The following PTK2 variants were observed in gnomAD, a reference collection of about 807,000 sequenced individuals.
The protein encoded by PTK2 is focal adhesion kinase 1.
PTK2 carries 45 observed loss-of-function variants against 150.1 expected under a neutral mutation model. The observed-to-expected ratio is 0.30, with a 90% confidence interval of 0.24 to 0.38. The LOEUF is 0.38. PTK2 is among the 10% of genes least tolerant of loss of function. The pLI, the probability that PTK2 is intolerant of heterozygous loss-of-function variation, is 1.00. For synonymous variants in PTK2, 432 were observed against 449.2 expected (o/e 0.96, Z 0.48); for missense variants, 919 against 1,307.3 (o/e 0.70, Z 4.58).
chr8:140,960,558 A>T (rs2100182782), intron 1 of PTK2, among the ~76,000 whole-genome samples: 1 of 152,160 alleles, frequency 6.6e-6, no homozygotes, highest in South Asian at 2.1e-4. Flanking sequence ...ATAAACTAGG[A>T]TGAATCCATC....
intron 5 of PTK2, among the ~76,000 whole-genome samples, chr8:140,849,972 C>T (rs1301171456): frequency 6.6e-6 from 1 of 152,154 alleles, no homozygotes; most frequent in South Asian, 2.1e-4. Context: ...TTTACCCTTG[C>T]ATCCCCAGTA....
At chr8:140,789,571 G>A in intron 13 of PTK2, 45 bp from the exon 14 acceptor site, 4 of 1,589,400 alleles carry the variant, frequency 2.5e-6, no homozygotes, top group Non-Finnish European at 3.4e-6. Flanking sequence ...AATTTCCCCA[G>A]GACCCCGCAA....
intron 27 of PTK2, among the ~76,000 whole-genome samples, chr8:140,676,914 C>G (rs1648724630): frequency 7.2e-6 from 1 of 139,040 alleles, no homozygotes; most frequent in African/African-American, 2.7e-5. Context: ...GCACTTCAGC[C>G]TGGGCAACAA....
At chr8:140,917,039 TA>T (rs1020639527) in intron 2 of PTK2, among the ~76,000 whole-genome samples, 22 of 152,326 alleles carry the variant, frequency 1.4e-4, no homozygotes, top group African/African-American at 5.1e-4. Flanking sequence ...TTTTAGCTAT[TA>T]CTATAAGAAG....
chr8:140,658,709 A>T (rs1014251136), exon 32 of PTK2: 3 of 217,568 alleles, frequency 1.4e-5, no homozygotes, highest in Non-Finnish European at 1.8e-5. Flanking sequence ...CTTCTCCTCA[A>T]TGCAGTTTGG....
At chr8:140,762,678 T>C (rs556493525) in intron 15 of PTK2, among the ~76,000 whole-genome samples, 1 of 152,348 alleles carries the variant, frequency 6.6e-6, no homozygotes, top group East Asian at 1.9e-4. Context: ...ACTGCTCAAC[T>C]ATAAATAATA....
intron 27 of PTK2, among the ~76,000 whole-genome samples, chr8:140,685,280 C>T (rs1448479753): frequency 2.0e-5 from 3 of 152,166 alleles, no homozygotes; most frequent in African/African-American, 7.2e-5. Flanking sequence ...AAACCTAGAA[C>T]TATAAAAACC....
intron 2 of PTK2, among the ~76,000 whole-genome samples, chr8:140,897,681 T>G (rs1213114648): frequency 6.6e-6 from 1 of 152,116 alleles, no homozygotes; most frequent in Non-Finnish European, 1.5e-5. Context: ...GTCCCAAGAG[T>G]TGCTTTCTGC....
At chr8:140,746,621 T>C (rs2100058939) in intron 18 of PTK2, 139 bp downstream of exon 21, 6 of 602,058 alleles carry the variant, frequency 1.0e-5, no homozygotes, top group Middle Eastern at 7.7e-4. Flanking sequence ...CCATATTCTC[T>C]GAACCAAAAC....
chr8:140,998,975 G>A (rs931657716), intron 1 of PTK2, among the ~76,000 whole-genome samples: 1 of 152,162 alleles, frequency 6.6e-6, no homozygotes, highest in South Asian at 2.1e-4. Context: ...AAACATTTTA[G>A]TATAAAACGT....
chr8:140,712,447 T>C (rs1395851556), intron 23 of PTK2, among the ~76,000 whole-genome samples: 3 of 152,228 alleles, frequency 2.0e-5, no homozygotes, highest in African/African-American at 7.2e-5. Context: ...AACTGTGGTA[T>C]TGTTTTTTGA....
chr8:140,962,277 AAGGGAGGGAGGAAGGG>A (rs1315585892), intron 1 of PTK2, among the ~76,000 whole-genome samples: 2 of 131,498 alleles, frequency 1.5e-5, no homozygotes, highest in African/African-American at 2.7e-5. Flanking sequence ...GGGAGGGAGG[AAGGGAGGGAGGAAGGG>A]AGGGAGGGAG....
chr8:140,912,487 T>C (rs1353414010), intron 2 of PTK2, among the ~76,000 whole-genome samples: 1 of 151,674 alleles, frequency 6.6e-6, no homozygotes, highest in Admixed American at 6.6e-5. Flanking sequence ...TAAAGATAAA[T>C]ACAAATTTTA....
chr8:140,817,495 C>A (rs1475286378), intron 10 of PTK2, among the ~76,000 whole-genome samples: 1 of 152,114 alleles, frequency 6.6e-6, no homozygotes, highest in Non-Finnish European at 1.5e-5. Flanking sequence ...AGAAGAAGCC[C>A]CTAGAATCAT....
chr8:140,859,981 A>C (rs1465419170), intron 5 of PTK2, among the ~76,000 whole-genome samples: 1 of 152,212 alleles, frequency 6.6e-6, no homozygotes, highest in East Asian at 1.9e-4. Flanking sequence ...ACCAGCAATA[A>C]AAACTCATAG....
intron 1 of PTK2, among the ~76,000 whole-genome samples, chr8:140,942,164 C>T (rs963845998): frequency 9.9e-5 from 15 of 152,182 alleles, no homozygotes; most frequent in African/African-American, 3.4e-4. Flanking sequence ...CAGGCATGAA[C>T]CTCTGCACCT....
intron 31 of PTK2, chr8:140,660,677 G>A (rs1238820704): frequency 2.2e-6 from 1 of 452,544 alleles, no homozygotes; most frequent in Non-Finnish European, 4.4e-6. Flanking sequence ...AGTGAGCCAA[G>A]ATCGTGCCAT....
At chr8:140,894,305 A>G (rs2100155246) in intron 2 of PTK2, among the ~76,000 whole-genome samples, 1 of 152,194 alleles carries the variant, frequency 6.6e-6, no homozygotes, top group South Asian at 2.1e-4. Flanking sequence ...CTGATCTAGG[A>G]CTTCCAGCCT....
intron 1 of PTK2, among the ~76,000 whole-genome samples, chr8:140,956,218 C>T (rs2100181157): frequency 6.6e-6 from 1 of 152,204 alleles, no homozygotes; most frequent in South Asian, 2.1e-4. Context: ...AAAGGCTGAA[C>T]CCACTTGCTA....
Sources: gnomAD v4.1 joint callset for allele counts (sites outside exome capture counted in the v4.1 genomes callset) on GRCh38, gnomAD v4.1.1 for gene constraint, MANE v1.5 for transcripts, NCBI Gene and HGNC (gene_info 2026-07-23, HGNC 2026-07-21) for gene names.